EIF2S1: variants seen among roughly 807,000 people sequenced by gnomAD.
The protein encoded by EIF2S1 is eukaryotic translation initiation factor 2 subunit 1.
Under a neutral mutation model 33.5 loss-of-function variants are expected in EIF2S1, and 5 were observed. The observed-to-expected ratio is 0.15, with a 90% CI of 0.08 to 0.31. The LOEUF (loss-of-function observed/expected upper bound fraction) is 0.31. Ranked by LOEUF, EIF2S1 falls within the 10% of genes least tolerant of loss-of-function variation. The pLI, the probability that EIF2S1 is intolerant of heterozygous loss-of-function variation, is 1.00. For synonymous variants in EIF2S1, 99 were observed against 127.5 expected (o/e 0.78, Z 1.51); for missense variants, 191 against 384.6 (o/e 0.50, Z 4.21).
At chr14:67,366,499 C>T (rs1454987903) in intron 2 of EIF2S1, among the ~76,000 whole-genome samples, 1 of 152,174 alleles carries the variant, frequency 6.6e-6, no homozygotes, top group Non-Finnish European at 1.5e-5. Context: ...ATTTCCATAG[C>T]ATTTGTTTGT....
At chr14:67,365,765 T>G (rs533062067) in intron 2 of EIF2S1, among the ~76,000 whole-genome samples, 2 of 152,376 alleles carry the variant, frequency 1.3e-5, no homozygotes, top group East Asian at 3.9e-4. Flanking sequence ...TCAGTCACCT[T>G]GATTCAACTT....
chr14:67,362,806 A>G (rs886692508), intron 1 of EIF2S1, among the ~76,000 whole-genome samples: 4 of 152,220 alleles, frequency 2.6e-5, no homozygotes, highest in Admixed American at 2.6e-4. Context: ...AAAATTGTCA[A>G]CCAATATGCA....
At chr14:67,364,662 A>G (rs1341227215) in intron 1 of EIF2S1, 105 bp from the exon 2 acceptor site, 1 of 1,187,966 alleles carries the variant, frequency 8.4e-7, no homozygotes, top group Non-Finnish European at 1.2e-6. Flanking sequence ...ACTAATAACT[A>G]TTTTTTTCTT....
Position 67,383,449 on chromosome 14 carries a change from GA to G in EIF2S1, c.*12del, listed in dbSNP as rs889284335. The G allele has an allele frequency of 3.1e-6, 5 of 1,612,158 alleles. No homozygotes were observed. The African/African-American group carries it at 6.7e-5, about 22-fold the overall frequency. ...CCAAAGCTGAAGATTAACTTTGTGG[GA>G]AACAGAGTCCAATTTAAGGAACACA... On this transcript the variant is annotated 3_prime_UTR_variant, in exon 8 of 8. Transcript: ENST00000256383.
At chr14:67,365,144 G>T (rs1349308100) in intron 2 of EIF2S1, 136 bp downstream of exon 2, 5 of 955,162 alleles carry the variant, frequency 5.2e-6, no homozygotes, top group Non-Finnish European at 7.4e-6. Context: ...ATACAAAGTT[G>T]TTAGAAAAGG....
chr14:67,368,536 G>A (rs956678108), intron 2 of EIF2S1, among the ~76,000 whole-genome samples: 6 of 152,108 alleles, frequency 3.9e-5, no homozygotes, highest in African/African-American at 1.4e-4. Flanking sequence ...GTGATTAATG[G>A]ATGCCAAGTA....
At chr14:67,382,318 T>C (rs2085891574) in intron 6 of EIF2S1, 129 bp from the exon 7 acceptor site, 5 of 753,260 alleles carry the variant, frequency 6.6e-6, no homozygotes, top group Non-Finnish European at 1.0e-5. Flanking sequence ...TAAATTACTG[T>C]CCTGTAGAAT....
chr14:67,380,632 T>C (rs776739346), intron 4 of EIF2S1, 27 bp from the exon 5 acceptor site: 2 of 1,313,196 alleles, frequency 1.5e-6, no homozygotes, highest in Non-Finnish European at 2.1e-6. Context: ...CCTTGACCTT[T>C]TGTTATTTAT....
intron 2 of EIF2S1, among the ~76,000 whole-genome samples, chr14:67,366,918 T>G (rs1320825547): frequency 6.8e-6 from 1 of 147,468 alleles, no homozygotes; most frequent in African/African-American, 2.6e-5. Context: ...CAGCTAAGGT[T>G]CTAGCAGAAA....
At chr14:67,383,234 A>G in intron 7 of EIF2S1, 81 bp from the exon 8 acceptor site, 1 of 1,467,280 alleles carries the variant, frequency 6.8e-7, no homozygotes. Context: ...AAGAGAGAAA[A>G]CATTAGGCAG....
chr14:67,375,763 T>A (rs914172753), intron 3 of EIF2S1, among the ~76,000 whole-genome samples: 7 of 152,188 alleles, frequency 4.6e-5, no homozygotes, highest in African/African-American at 1.7e-4. Context: ...CTAGCAGCAT[T>A]GACATCACCT....
chr14:67,378,124 T>TAAA (rs750515236), intron 4 of EIF2S1, among the ~76,000 whole-genome samples: 1 of 134,290 alleles, frequency 7.4e-6, no homozygotes, highest in African/African-American at 2.7e-5. Flanking sequence ...CCTTGTCTCT[T>TAAA]AAAAAAAAAA....
intron 6 of EIF2S1, among the ~76,000 whole-genome samples, 183 bp downstream of exon 6, chr14:67,381,873 G>T (rs2085889419): frequency 6.6e-6 from 1 of 151,562 alleles, no homozygotes; most frequent in East Asian, 1.9e-4. Context: ...TTTAGGCTTT[G>T]TTGGTTTCTA....
chr14:67,382,721 G>A (rs1023624151), intron 7 of EIF2S1, 131 bp downstream of exon 7: 15 of 1,007,214 alleles, frequency 1.5e-5, no homozygotes, highest in Admixed American at 2.0e-5. Context: ...GATCACTAAT[G>A]GTGTTAGGGT....
chr14:67,373,399 G>A (rs182498484), intron 2 of EIF2S1, among the ~76,000 whole-genome samples: 90 of 152,270 alleles, frequency 5.9e-4, no homozygotes, highest in Middle Eastern at 6.8e-3. Flanking sequence ...AATATAGGAG[G>A]AAAACTACAA....
intron 2 of EIF2S1, among the ~76,000 whole-genome samples, chr14:67,367,294 G>A (rs1476646149): frequency 2.6e-5 from 4 of 152,254 alleles, no homozygotes; most frequent in African/African-American, 4.8e-5. Flanking sequence ...GCAGTGGCAC[G>A]ATCTTGGCTC....
chr14:67,360,944 G>A (rs757592203), intron 1 of EIF2S1, among the ~76,000 whole-genome samples: 3 of 152,156 alleles, frequency 2.0e-5, no homozygotes, highest in Admixed American at 6.5e-5. Context: ...GACGGGCACC[G>A]TGTTGGAAAG....
chr14:67,362,593 C>G (rs2085750333), intron 1 of EIF2S1, among the ~76,000 whole-genome samples: 1 of 152,124 alleles, frequency 6.6e-6, no homozygotes. Context: ...AGAGCAAGGA[C>G]TGGAACACAA....
chr14:67,382,692 G>A, intron 7 of EIF2S1, 102 bp downstream of exon 7: 1 of 1,385,576 alleles, frequency 7.2e-7, no homozygotes, highest in South Asian at 1.2e-5. Flanking sequence ...CATATTGTAG[G>A]ATGGTCATTC....
Sources: allele counts gnomAD v4.1 joint callset (sites outside exome capture counted in the v4.1 genomes callset), GRCh38; gene constraint gnomAD v4.1.1; transcripts MANE v1.5; gene names NCBI Gene and HGNC (gene_info 2026-07-23, HGNC 2026-07-21).